IL18RAP: variants seen among roughly 807,000 people sequenced by gnomAD.
IL18RAP encodes the protein interleukin 18 receptor accessory protein.
IL18RAP carries 37 observed loss-of-function variants against 58.1 expected under a neutral mutation model. The ratio of observed to expected loss-of-function variants is 0.64; its 90% CI spans 0.49 to 0.84. The LOEUF is 0.84. IL18RAP is among the 40% of genes least tolerant of loss of function. The pLI is 0.00. For synonymous variants in IL18RAP, 268 were observed against 257.5 expected (o/e 1.04, Z -0.39); for missense variants, 667 against 704.8 (o/e 0.95, Z 0.61).
At position 102,443,312 on chromosome 2, in the gene IL18RAP, T is replaced by C; in HGVS notation, c.909T>C (p.Pro303=). Residue 303 remains proline (P), a synonymous_variant, in exon 6 of 10, where the codon CCT becomes CCC. Transcript: ENST00000687160. Reference sequence around the variant, plus strand: ...ACCTAGAGTGGGAAGTCTCAGTACCTGAGGCGAAAAGGTAAGAAAAAAACT... The same window carrying C: ...ACCTAGAGTGGGAAGTCTCAGTACCCGAGGCGAAAAGGTAAGAAAAAAACT... ...DSDLEWEVSV[P]EAKSIKSTLK... 1.2e-6 allele frequency: 2 copies of C among 1,612,726 alleles called. No homozygotes were observed. The highest frequency in any genetic ancestry group is 1.7e-6 in the Non-Finnish European group (2 of 1,179,722).
chr2:102,437,791 G>T (rs1194284656), intron 4 of IL18RAP, among the ~76,000 whole-genome samples: 2 of 152,008 alleles, frequency 1.3e-5, no homozygotes, highest in African/African-American at 4.8e-5. Flanking sequence ...CCAGGCCTTT[G>T]CTCCCACAGT....
At chr2:102,419,702 A>G (rs776081848), upstream of IL18RAP, 1 of 152,326 alleles carries the variant, frequency 6.6e-6, no homozygotes, top group Non-Finnish European at 1.5e-5. Flanking sequence ...TGGGCTCTCA[A>G]TTCCTTCTGT....
intron 3 of IL18RAP, among the ~76,000 whole-genome samples, chr2:102,424,843 C>A (rs1199255363): frequency 6.6e-6 from 1 of 152,198 alleles, no homozygotes; most frequent in African/African-American, 2.4e-5. Context: ...CAAAAGACAG[C>A]TCTTGGAGGA....
chr2:102,451,085 C>A, intron 9 of IL18RAP, 64 bp downstream of exon 9: 1 of 1,326,542 alleles, frequency 7.5e-7, no homozygotes, highest in Non-Finnish European at 1.0e-6. Context: ...ATCCCCAAGT[C>A]TTTTTTGTCA....
chr2:102,425,569 G>A (rs1558634704), intron 3 of IL18RAP, among the ~76,000 whole-genome samples: 1 of 151,910 alleles, frequency 6.6e-6, no homozygotes. Context: ...TTTAAAATGA[G>A]GTTAGTAAGA....
upstream of IL18RAP, chr2:102,419,295 A>G (rs1435329408): frequency 6.6e-6 from 1 of 152,222 alleles, no homozygotes; most frequent in Non-Finnish European, 1.5e-5. Context: ...TGTTATCCCT[A>G]GACAATGGGG....
At chr2:102,437,134 T>G in intron 3 of IL18RAP, 78 bp from the exon 4 acceptor site, 2 of 1,377,402 alleles carry the variant, frequency 1.5e-6, no homozygotes, top group Non-Finnish European at 2.0e-6. Context: ...TTCAAATTTG[T>G]AAGATTTTTC....
At position 102,423,983 on chromosome 2, in the gene IL18RAP, T is replaced by C. The variant is rs1681756024; in HGVS notation, c.243T>C (p.Asp81=). The change falls in exon 2 of 10, where the codon GAT becomes GAC. Residue 81 remains aspartate (D), a synonymous_variant. Transcript: ENST00000687160. The stretch of plus-strand genomic sequence containing the variant: ...TCATGGGTAGTAACGACCTATCTGA[T>C]GTCCAATGGTACCAACAACCTTCGA... The part of the protein sequence containing the change: ...LPFMGSNDLS[D]VQWYQQPSNG... 6.2e-7 allele frequency: 1 copy of C among 1,613,978 alleles called. No individual in the cohort carries two copies.
In IL18RAP at chr2:102,450,867, T is replaced by C. The variant is rs780951763; in HGVS notation, c.1230T>C (p.Ala410=). The C allele has an allele frequency of 6.3e-7, 1 of 1,580,262 alleles. No homozygotes were observed. Among genetic ancestry groups the C allele is most frequent in the Non-Finnish European group, 8.6e-7 (1 of 1,169,198 alleles). ...QTLGDKKDFD[A]FVSYAKWSSF... ...CTTCAGATAAAAAGGATTTTGATGC[T>C]TTCGTATCCTATGCAAAATGGAGCT... The change falls in exon 9 of 10, where the codon GCT becomes GCC. Residue 410 remains alanine (A), a synonymous_variant. Coordinates refer to ENST00000687160, the MANE Select transcript of IL18RAP (RefSeq NM_001393487.1).
upstream of IL18RAP, among the ~76,000 whole-genome samples, chr2:102,421,955 C>T (rs1456953322): frequency 6.6e-6 from 1 of 151,966 alleles, no homozygotes; most frequent in Non-Finnish European, 1.5e-5. Flanking sequence ...TGTATTTGTC[C>T]TCACTGACCT....
At chr2:102,447,274 G>A in intron 8 of IL18RAP, 67 bp downstream of exon 8, 1 of 1,541,026 alleles carries the variant, frequency 6.5e-7, no homozygotes, top group Non-Finnish European at 8.8e-7. Context: ...CAGGACAACA[G>A]AAAATACCAT....
Position 102,452,325 on chromosome 2 carries a change from G to T in IL18RAP, c.*144G>T. ...CACCAAGCAAGCTTGATGGACAATG[G>T]AGTGGGATTGAGACTGTGGTTTAGA... On this transcript the variant is annotated 3_prime_UTR_variant, in exon 10 of 10. Transcript: ENST00000687160. 1 of 768,986 alleles carries T rather than the reference G, an allele frequency of 1.3e-6. No individual in the cohort carries two copies. The highest frequency in any genetic ancestry group is 2.0e-6 in the Non-Finnish European group (1 of 488,066). The allele number at this position is 768,986 out of a possible 1,614,324, so 47.6% of individuals were successfully genotyped here.
chr2:102,422,438 G>A (rs1681633523), upstream of IL18RAP, among the ~76,000 whole-genome samples: 2 of 152,220 alleles, frequency 1.3e-5, no homozygotes, highest in South Asian at 4.1e-4. Flanking sequence ...GCTTGTTACA[G>A]ATGCCCCAGG....
chr2:102,437,529 G>A (rs1412395929), intron 4 of IL18RAP, among the ~76,000 whole-genome samples, 167 bp downstream of exon 4: 1 of 152,162 alleles, frequency 6.6e-6, no homozygotes, highest in Non-Finnish European at 1.5e-5. Flanking sequence ...ATCCCCCAGG[G>A]AAGGCTAAGT....
chr2:102,431,404 C>G (rs1682348171), intron 3 of IL18RAP, among the ~76,000 whole-genome samples: 1 of 152,124 alleles, frequency 6.6e-6, no homozygotes, highest in African/African-American at 2.4e-5. Flanking sequence ...TGGTAAACCC[C>G]TTTTGGGTTG....
chr2:102,450,201 T>C (rs1332516117), intron 8 of IL18RAP, among the ~76,000 whole-genome samples: 2 of 328 alleles, frequency 6.1e-3, no homozygotes, highest in Non-Finnish European at 0.016. Context: ...TTATGAAGTA[T>C]GCATATGAAA....
intron 3 of IL18RAP, among the ~76,000 whole-genome samples, chr2:102,427,622 C>G (rs1158273721): frequency 6.6e-6 from 1 of 152,000 alleles, no homozygotes; most frequent in Non-Finnish European, 1.5e-5. Context: ...ACATTAACTC[C>G]TTATCAGATA....
chr2:102,420,842 T>C (rs1681531679), upstream of IL18RAP, among the ~76,000 whole-genome samples: 1 of 152,226 alleles, frequency 6.6e-6, no homozygotes, highest in African/African-American at 2.4e-5. Context: ...CCACACAGTA[T>C]GTGAATCACC....
chr2:102,451,465 AC>A (rs969677985), intron 9 of IL18RAP, among the ~76,000 whole-genome samples: 1 of 151,876 alleles, frequency 6.6e-6, no homozygotes. Context: ...CTCCTCAGAT[AC>A]CCCCACCAAG....
Sources: allele counts gnomAD v4.1 joint callset (sites outside exome capture counted in the v4.1 genomes callset), GRCh38; gene constraint gnomAD v4.1.1; transcripts MANE v1.5; gene names NCBI Gene and HGNC (gene_info 2026-07-23, HGNC 2026-07-21).